The following GRIN3A variants were observed in gnomAD, a reference collection of about 807,000 sequenced individuals.
GRIN3A encodes glutamate ionotropic receptor NMDA type subunit 3A.
In GRIN3A, 47 loss-of-function variants were observed where a neutral mutation model predicts 92.4. That is an observed-to-expected ratio of 0.51 (90% CI 0.40 to 0.65). The LOEUF (loss-of-function observed/expected upper bound fraction) is 0.65, where lower values mean the gene tolerates loss of function less well. GRIN3A is among the 30% of genes least tolerant of loss of function. GRIN3A has a pLI of 0.00. For missense variants in GRIN3A, 1,324 were observed against 1,393.1 expected (o/e 0.95, Z 0.79); for synonymous variants, 527 against 540.6 (o/e 0.97, Z 0.35).
intron 3 of GRIN3A, among the ~76,000 whole-genome samples, chr9:101,662,148 A>C (rs2118934617): frequency 6.6e-6 from 1 of 152,004 alleles, no homozygotes; most frequent in Non-Finnish European, 1.5e-5. Flanking sequence ...GAAAATACAA[A>C]GTCAGGAATG....
chr9:101,607,466 T>G (rs894998528), intron 6 of GRIN3A, among the ~76,000 whole-genome samples: 1 of 152,128 alleles, frequency 6.6e-6, no homozygotes, highest in African/African-American at 2.4e-5. Context: ...AATGGAATCC[T>G]CAGGTGTCAG....
At chr9:101,602,856 A>C (rs201650933) in intron 6 of GRIN3A, 1 of 110,968 alleles carries the variant, frequency 9.0e-6, no homozygotes, top group Admixed American at 9.3e-5. Flanking sequence ...ATACGGAGGG[A>C]GGGGAAAACA....
Position 101,572,168 on chromosome 9 carries a change from T to C in GRIN3A, c.*1006A>G, listed in dbSNP as rs909554858. ...GTCGAAGCTTATAGTGTTCCCGGGCTGGAGGTTTTGGGATTTCTATGCTAA... is the reference window on the plus strand; with the variant it reads ...GTCGAAGCTTATAGTGTTCCCGGGCCGGAGGTTTTGGGATTTCTATGCTAA... On this transcript the variant is annotated 3_prime_UTR_variant, in exon 9 of 9. Coordinates refer to ENST00000361820, the MANE Select transcript of GRIN3A (RefSeq NM_133445.3). 6.5e-6 allele frequency: 1 copy of C among 152,752 alleles called. No individual in the cohort carries two copies. Among genetic ancestry groups the C allele is most frequent in the African/African-American group, 2.4e-5 (1 of 41,446 alleles). 9.5% of individuals were successfully genotyped at this position (152,752 alleles called of 1,614,324 possible).
intron 3 of GRIN3A, among the ~76,000 whole-genome samples, chr9:101,659,438 C>A (rs1829140470): frequency 1.8e-5 from 2 of 111,550 alleles, no homozygotes; most frequent in South Asian, 6.9e-4. Flanking sequence ...TTTATTTATA[C>A]ATAGAAAGTA....
At chr9:101,647,452 T>G (rs1227148858) in intron 3 of GRIN3A, among the ~76,000 whole-genome samples, 1 of 151,906 alleles carries the variant, frequency 6.6e-6, no homozygotes, top group Non-Finnish European at 1.5e-5. Flanking sequence ...TGGCCTGTAA[T>G]TTTCGCCTTT....
intron 1 of GRIN3A, among the ~76,000 whole-genome samples, chr9:101,691,241 T>C (rs987693213): frequency 1.8e-4 from 28 of 152,168 alleles, no homozygotes; most frequent in Admixed American, 1.4e-3. Context: ...CCTTGAGCCA[T>C]GACCTCTGCA....
chr9:101,594,782 G>A (rs1828092311), intron 6 of GRIN3A: 4 of 1,613,754 alleles, frequency 2.5e-6, no homozygotes, highest in South Asian at 1.1e-5. Context: ...GCGCAGCTCC[G>A]GCAGGGACAT....
rs1395560737 is a variant in GRIN3A at position 101,671,095 on chromosome 9, A to G, written c.1317T>C (p.Asn439=). 1.2e-6 allele frequency: 2 copies of G among 1,612,898 alleles called. No homozygotes were observed. The highest frequency in any genetic ancestry group is 1.1e-5 in the South Asian group (1 of 91,054). Reference sequence around the variant, plus strand: ...AACCACTGAGGCCTCTGAAAGTGGTATTGGCTAGAAACCTGGGAAAGAGGA... The same window carrying G: ...AACCACTGAGGCCTCTGAAAGTGGTGTTGGCTAGAAACCTGGGAAAGAGGA... ...SGQYLSRFLA[N]TTFRGLSGSI... Residue 439 remains asparagine (N), a synonymous_variant, in exon 3 of 9, where the codon AAT becomes AAC. Coordinates refer to ENST00000361820, the MANE Select transcript of GRIN3A (RefSeq NM_133445.3).
In GRIN3A at chr9:101,681,449, A is replaced by T. The variant is rs1378337792; in HGVS notation, c.1304+5147T>A. On this transcript the variant is annotated intron_variant, in intron 2 of 8. Coordinates refer to ENST00000361820, the MANE Select transcript of GRIN3A (RefSeq NM_133445.3). ...GCATACAAACTCTGTGTGGTATGTT[A>T]TCAAGTTGACTACTTTTCCAGAATC... 2.0e-5 allele frequency among the ~76,000 whole-genome samples: 3 copies of T among 152,210 alleles called. 1 individual carries two copies. Among genetic ancestry groups the T allele is most frequent in the Non-Finnish European group, 4.4e-5 (3 of 68,034 alleles).
At chr9:101,619,664 G>T (rs1828522248) in intron 5 of GRIN3A, among the ~76,000 whole-genome samples, 1 of 152,194 alleles carries the variant, frequency 6.6e-6, no homozygotes, top group South Asian at 2.1e-4. Context: ...CAGAGCCAGT[G>T]TTCCAAGCAT....
At chr9:101,701,004 A>G (rs571316255) in intron 1 of GRIN3A, among the ~76,000 whole-genome samples, 2 of 152,324 alleles carry the variant, frequency 1.3e-5, no homozygotes, top group East Asian at 3.9e-4. Context: ...ACTTGGAGTT[A>G]GAGACACAAT....
intron 6 of GRIN3A, among the ~76,000 whole-genome samples, chr9:101,588,080 G>T (rs1031320488): frequency 6.6e-6 from 1 of 152,178 alleles, no homozygotes; most frequent in South Asian, 2.1e-4. Flanking sequence ...GGCTCCAGAT[G>T]TACCAAAGAC....
At position 101,633,066 on chromosome 9, in the gene GRIN3A, A is replaced by T. The variant is rs115858023; in HGVS notation, c.2353-4665T>A. On this transcript the variant is annotated intron_variant, in intron 3 of 8. Coordinates refer to ENST00000361820, the MANE Select transcript of GRIN3A (RefSeq NM_133445.3). ...ACCTCTACACAGAGTACCTACATGG[A>T]GAATAATCAGACATTCCCGAGAAAG... 6.6e-3 allele frequency among the ~76,000 whole-genome samples: 1,013 copies of T among 152,344 alleles called. 12 individuals are homozygous for T. Among genetic ancestry groups the T allele is most frequent in the African/African-American group, 0.023 (974 of 41,580 alleles).
chr9:101,647,933 C>A (rs539240554), intron 3 of GRIN3A, among the ~76,000 whole-genome samples: 20 of 151,962 alleles, frequency 1.3e-4, no homozygotes, highest in African/African-American at 4.1e-4. Context: ...AAAAATCCAA[C>A]TACTCATTTT....
chr9:101,732,775 ACTTTT>A (rs1315977039), intron 1 of GRIN3A, among the ~76,000 whole-genome samples: 4 of 152,152 alleles, frequency 2.6e-5, no homozygotes, highest in Non-Finnish European at 5.9e-5. Context: ...TAACACTATA[ACTTTT>A]CCAAAGTACT....
rs960852928 is a variant in GRIN3A at position 101,670,064 on chromosome 9, G to T, written c.2348C>A (p.Pro783His). ...TAAAGTAAAATGAAGTATTACCTTGGGGTCATGTATTCCAGAAAGCTCTTC... is the reference window on the plus strand; with the variant it reads ...TAAAGTAAAATGAAGTATTACCTTGTGGTCATGTATTCCAGAAAGCTCTTC... ...IYEELSGIHD[P>H]KLHHPSQGFR... Residue 783 changes from proline to histidine, a missense_variant, in exon 3 of 9, where the codon CCC becomes CAC. Pro to His is a moderately conservative substitution (Grantham distance 77, BLOSUM62 -2). Transcript: ENST00000361820. The T allele has an allele frequency of 1.2e-6, 2 of 1,606,866 alleles. No individual in the cohort carries two copies. The highest frequency in any genetic ancestry group is 3.3e-5 in the Admixed American group (2 of 59,916).
chr9:101,728,460 C>A (rs1344843129), intron 1 of GRIN3A, among the ~76,000 whole-genome samples: 1 of 152,130 alleles, frequency 6.6e-6, no homozygotes, highest in Non-Finnish European at 1.5e-5. Flanking sequence ...CAGCCACTTG[C>A]AGTGTGATGA....
At chr9:101,650,609 A>G (rs537629475) in intron 3 of GRIN3A, among the ~76,000 whole-genome samples, 12 of 152,150 alleles carry the variant, frequency 7.9e-5, no homozygotes, top group African/African-American at 2.9e-4. Flanking sequence ...AGCTATTTAT[A>G]TGCTTTTTGT....
chr9:101,727,199 A>G (rs1027337081), intron 1 of GRIN3A, among the ~76,000 whole-genome samples: 1 of 152,226 alleles, frequency 6.6e-6, no homozygotes, highest in Non-Finnish European at 1.5e-5. Context: ...TAACCCATTC[A>G]AAGGCAAACT....
Sources: allele counts gnomAD v4.1 joint callset (sites outside exome capture counted in the v4.1 genomes callset), GRCh38; gene constraint gnomAD v4.1.1; transcripts MANE v1.5; gene names NCBI Gene and HGNC (gene_info 2026-07-23, HGNC 2026-07-21).